The following COLEC10 variants were observed in gnomAD, a reference collection of about 807,000 sequenced individuals.
COLEC10 encodes collectin subfamily member 10, also known as collectin-10.
A neutral mutation model predicts 28.4 loss-of-function variants in COLEC10; 22 were observed. That is an observed-to-expected ratio of 0.78 (90% CI 0.55 to 1.11). The LOEUF (loss-of-function observed/expected upper bound fraction) is 1.11, where lower values mean the gene tolerates loss of function less well. Among genes scored for constraint, COLEC10 ranks in the 50% least tolerant of loss-of-function variants. The pLI, the probability that COLEC10 is intolerant of heterozygous loss-of-function variation, is 0.00. For synonymous variants in COLEC10, 125 were observed against 116.1 expected (o/e 1.08, Z -0.49); for missense variants, 361 against 344.1 (o/e 1.05, Z -0.39).
intron 2 of COLEC10, among the ~76,000 whole-genome samples, chr8:119,050,219 T>C (rs1229440321): frequency 1.3e-5 from 2 of 152,224 alleles, no homozygotes; most frequent in African/African-American, 2.4e-5. Flanking sequence ...ATTGAAAGGC[T>C]CTTGTAATTT....
chr8:119,085,980 A>G (rs181323838), intron 1 of COLEC10, among the ~76,000 whole-genome samples: 3 of 152,224 alleles, frequency 2.0e-5, no homozygotes, highest in Non-Finnish European at 2.9e-5. Context: ...CCCAGTCTAT[A>G]AGATTGTTTT....
the COLEC10 span, among the ~76,000 whole-genome samples, chr8:118,979,661 T>C: frequency 3.3e-5 from 5 of 152,116 alleles, no homozygotes; most frequent in African/African-American, 1.2e-4. Context: ...GAGCTGGAAA[T>C]TGTCATCATT....
the COLEC10 span, among the ~76,000 whole-genome samples, chr8:118,980,020 T>G: frequency 1.3e-5 from 2 of 152,084 alleles, no homozygotes; most frequent in Middle Eastern, 3.4e-3. Context: ...GAGAGAGAGA[T>G]AGAGCCCAAG....
At chr8:118,954,636 C>T in the COLEC10 span, among the ~76,000 whole-genome samples, 4 of 152,342 alleles carry the variant, frequency 2.6e-5, no homozygotes, top group Admixed American at 2.6e-4. Flanking sequence ...ATATGTGACG[C>T]TAACTTTCTA....
chr8:119,046,311 G>T (rs1472269377), intron 2 of COLEC10, among the ~76,000 whole-genome samples: 2 of 151,988 alleles, frequency 1.3e-5, no homozygotes, highest in African/African-American at 2.4e-5. Flanking sequence ...TAGGCTATTT[G>T]TAGATTTATC....
At chr8:119,015,206 A>G (rs945873261) in intron 2 of COLEC10, among the ~76,000 whole-genome samples, 1 of 150,966 alleles carries the variant, frequency 6.6e-6, no homozygotes. Flanking sequence ...ATGTGGTGAT[A>G]TGGTGGGGAG....
upstream of COLEC10, among the ~76,000 whole-genome samples, chr8:119,063,651 G>A (rs1342576954): frequency 1.3e-5 from 2 of 150,026 alleles, no homozygotes; most frequent in Non-Finnish European, 3.0e-5. Flanking sequence ...AGACCCTTTT[G>A]TCACGTAAGG....
chr8:118,962,211 T>G, the COLEC10 span, among the ~76,000 whole-genome samples: 2 of 152,218 alleles, frequency 1.3e-5, no homozygotes, highest in African/African-American at 4.8e-5. Flanking sequence ...GGTTTACTAG[T>G]ATGATGAGGA....
chr8:119,102,566 C>A, intron 4 of COLEC10, 165 bp downstream of exon 4: 1 of 578,040 alleles, frequency 1.7e-6, no homozygotes, highest in Middle Eastern at 4.6e-4. Context: ...TGTCTCCCTG[C>A]TGGTGACTTT....
intron 3 of COLEC10, among the ~76,000 whole-genome samples, chr8:119,099,278 C>A (rs1377944044): frequency 6.6e-6 from 1 of 151,988 alleles, no homozygotes; most frequent in Non-Finnish European, 1.5e-5. Flanking sequence ...AAGCTCAAAT[C>A]TTCCATAAGC....
At chr8:119,057,870 G>T (rs1466971990) in intron 2 of COLEC10, among the ~76,000 whole-genome samples, 2 of 151,976 alleles carry the variant, frequency 1.3e-5, no homozygotes, top group Admixed American at 6.6e-5. Flanking sequence ...ACCAGAAAAG[G>T]ATATTGATTT....
the COLEC10 span, among the ~76,000 whole-genome samples, chr8:118,954,597 C>T: frequency 2.6e-5 from 4 of 152,242 alleles, no homozygotes; most frequent in Non-Finnish European, 4.4e-5. Flanking sequence ...TGTTCCGTAA[C>T]TTTAACCTTC....
rs1257155194 is a variant in COLEC10 at position 119,010,255 on chromosome 8, G to A, written n.235+702G>A. Among the ~76,000 whole-genome samples the A allele has an allele frequency of 1.3e-5, 2 of 150,750 alleles. 1 individual carries two copies. The highest frequency in any genetic ancestry group is 5.0e-5 in the African/African-American group (2 of 40,212). On this transcript the variant is annotated intron_variant and non_coding_transcript_variant, in intron 2 of 6. Coordinates refer to the COLEC10 transcript ENST00000521788. ...GCCCATTCCGGAGTGTCAAATAGTT[G>A]GGATACTACAGTATGTAGCCTTTTC...
intron 2 of COLEC10, among the ~76,000 whole-genome samples, chr8:119,024,807 T>C (rs1814159173): frequency 6.6e-6 from 1 of 152,124 alleles, no homozygotes; most frequent in African/African-American, 2.4e-5. Flanking sequence ...AAGAGAATAA[T>C]ATGATGTTCC....
chr8:119,095,207 T>C (rs757419753), intron 3 of COLEC10, among the ~76,000 whole-genome samples: 24 of 152,136 alleles, frequency 1.6e-4, no homozygotes, highest in Admixed American at 3.9e-4. Flanking sequence ...TTTATAATAG[T>C]GTCAAAATAA....
chr8:118,963,136 C>A, the COLEC10 span, among the ~76,000 whole-genome samples: 4 of 152,106 alleles, frequency 2.6e-5, no homozygotes, highest in Non-Finnish European at 4.4e-5. Flanking sequence ...AATAAACAAC[C>A]AAACAAATCA....
the COLEC10 span, among the ~76,000 whole-genome samples, chr8:118,962,485 A>C: frequency 6.6e-6 from 1 of 152,216 alleles, no homozygotes; most frequent in African/African-American, 2.4e-5. Context: ...TAAATATGTA[A>C]GCTGTTCAAT....
At chr8:118,967,348 C>T in the COLEC10 span, among the ~76,000 whole-genome samples, 1 of 152,136 alleles carries the variant, frequency 6.6e-6, no homozygotes, top group Non-Finnish European at 1.5e-5. Flanking sequence ...GCATAGGCAG[C>T]TCTTGCCTCT....
chr8:118,998,401 A>T (rs1813629930), intron 1 of COLEC10, among the ~76,000 whole-genome samples: 1 of 152,154 alleles, frequency 6.6e-6, no homozygotes, highest in East Asian at 1.9e-4. Flanking sequence ...TATTTGGGAC[A>T]TGTATGGTAG....
Sources: allele counts gnomAD v4.1 joint callset (sites outside exome capture counted in the v4.1 genomes callset), GRCh38; gene constraint gnomAD v4.1.1; transcripts MANE v1.5; gene names NCBI Gene and HGNC (gene_info 2026-07-23, HGNC 2026-07-21).